LYPD6B: variants seen among roughly 807,000 people sequenced by gnomAD.
The protein encoded by LYPD6B is ly6/PLAUR domain-containing protein 6B.
LYPD6B carries 17 observed loss-of-function variants against 22.8 expected under a neutral mutation model. The observed-to-expected ratio is 0.75, with a 90% CI of 0.51 to 1.12. The LOEUF (loss-of-function observed/expected upper bound fraction) is 1.12. LYPD6B is among the 50% of genes most tolerant of loss of function. LYPD6B has a pLI of 0.00. For missense variants in LYPD6B, 221 were observed against 258.3 expected (o/e 0.86, Z 0.99); for synonymous variants, 106 against 91.6 (o/e 1.16, Z -0.90).
At chr2:149,151,223 C>G (rs1689353000) in intron 2 of LYPD6B, among the ~76,000 whole-genome samples, 1 of 152,056 alleles carries the variant, frequency 6.6e-6, no homozygotes, top group Admixed American at 6.6e-5. Context: ...ATGGTGTCCT[C>G]TGGGGCACTG....
chr2:149,127,514 G>C (rs1687771166), intron 1 of LYPD6B, among the ~76,000 whole-genome samples: 1 of 152,194 alleles, frequency 6.6e-6, no homozygotes. Flanking sequence ...AGCAGCACCT[G>C]CTCCCAGGGC....
In LYPD6B at chr2:149,192,108, G is replaced by A. The variant is rs145628377; in HGVS notation, c.78-13145G>A. The stretch of plus-strand genomic sequence containing the variant: ...AGGGCTATGCTATCATCCTGCTCCA[G>A]GCAGATCACAGGTCTGGACAGGCAG... On this transcript the variant is annotated intron_variant, in intron 3 of 6. Transcript: ENST00000409642. Among the ~76,000 whole-genome samples, 599 of 152,204 alleles carry A rather than the reference G, an allele frequency of 3.9e-3. 4 individuals carry two copies. Among genetic ancestry groups the A allele is most frequent in the Non-Finnish European group, 6.7e-3 (454 of 68,006 alleles).
chr2:149,077,765 TG>T (rs1684943448), intron 1 of LYPD6B, among the ~76,000 whole-genome samples: 1 of 152,226 alleles, frequency 6.6e-6, no homozygotes, highest in Non-Finnish European at 1.5e-5. Context: ...TTCTCTGAAG[TG>T]CTGGGCATCT....
chr2:149,040,212 TCTCTCTCTC>T (rs1251401294), intron 1 of LYPD6B, among the ~76,000 whole-genome samples: 2 of 97,428 alleles, frequency 2.1e-5, no homozygotes, highest in Non-Finnish European at 5.4e-5. Context: ...TGTCTCTCTC[TCTCTCTCTC>T]TTTTTTTTTT....
chr2:149,112,092 T>C (rs546071762), intron 1 of LYPD6B, among the ~76,000 whole-genome samples: 7 of 152,022 alleles, frequency 4.6e-5, no homozygotes, highest in Non-Finnish European at 8.8e-5. Flanking sequence ...CAAGAGAGAA[T>C]GGAGGAGAGG....
At chr2:149,067,638 T>C (rs1684400835) in intron 1 of LYPD6B, among the ~76,000 whole-genome samples, 1 of 151,896 alleles carries the variant, frequency 6.6e-6, no homozygotes, top group Admixed American at 6.6e-5. Flanking sequence ...GTCTTTGCTT[T>C]TTTCCTTTGG....
chr2:149,120,653 G>A (rs778576633), intron 1 of LYPD6B, among the ~76,000 whole-genome samples: 153 of 150,664 alleles, frequency 1.0e-3, no homozygotes, highest in Non-Finnish European at 1.9e-3. Context: ...AAAGTGCTGG[G>A]ATTACAGGCA....
At chr2:149,084,762 G>T (rs1230799580) in intron 1 of LYPD6B, among the ~76,000 whole-genome samples, 1 of 152,224 alleles carries the variant, frequency 6.6e-6, no homozygotes, top group Non-Finnish European at 1.5e-5. Flanking sequence ...GACCTGTGGT[G>T]TTATGTGAGC....
chr2:149,203,091 G>A (rs897365456), intron 3 of LYPD6B, among the ~76,000 whole-genome samples: 2 of 152,136 alleles, frequency 1.3e-5, no homozygotes, highest in African/African-American at 4.8e-5. Flanking sequence ...CTCAGCGCGT[G>A]CAAACTATGT....
At chr2:149,208,100 G>T (rs1365146224) in intron 4 of LYPD6B, among the ~76,000 whole-genome samples, 2 of 151,978 alleles carry the variant, frequency 1.3e-5, no homozygotes, top group African/African-American at 4.8e-5. Flanking sequence ...CTCTATAGTG[G>T]CAATTCTTAG....
chr2:149,051,580 G>T (rs1157496404), intron 1 of LYPD6B, among the ~76,000 whole-genome samples: 1 of 152,100 alleles, frequency 6.6e-6, no homozygotes, highest in Non-Finnish European at 1.5e-5. Context: ...ATACATTCTG[G>T]TAGCTGAATC....
At chr2:149,149,895 T>A (rs1227915478) in intron 2 of LYPD6B, among the ~76,000 whole-genome samples, 1 of 152,250 alleles carries the variant, frequency 6.6e-6, no homozygotes, top group African/African-American at 2.4e-5. Context: ...TCCTTTATTG[T>A]TGTAGCTGTT....
intron 5 of LYPD6B, among the ~76,000 whole-genome samples, chr2:149,212,143 C>T (rs1287110210): frequency 1.3e-5 from 2 of 151,200 alleles, no homozygotes; most frequent in Non-Finnish European, 1.5e-5. Context: ...TTTGGGAGGC[C>T]GAGGCGGGCG....
chr2:149,125,704 C>T (rs1356096057), intron 1 of LYPD6B, among the ~76,000 whole-genome samples: 1 of 152,082 alleles, frequency 6.6e-6, no homozygotes, highest in Non-Finnish European at 1.5e-5. Flanking sequence ...GCTATTGTTG[C>T]CTGATATTTT....
intron 3 of LYPD6B, among the ~76,000 whole-genome samples, chr2:149,201,754 A>C (rs867921514): frequency 6.6e-6 from 1 of 152,352 alleles, no homozygotes; most frequent in African/African-American, 2.4e-5. Flanking sequence ...TTTTGATAGA[A>C]TAAGTCTATG....
chr2:149,198,375 A>G (rs1481669372), intron 3 of LYPD6B, among the ~76,000 whole-genome samples: 1 of 152,126 alleles, frequency 6.6e-6, no homozygotes, highest in Non-Finnish European at 1.5e-5. Context: ...AGCTCTTACC[A>G]TGTTACCTTT....
intron 3 of LYPD6B, among the ~76,000 whole-genome samples, chr2:149,193,668 A>C (rs1429697631): frequency 2.0e-5 from 3 of 152,162 alleles, no homozygotes; most frequent in Non-Finnish European, 2.9e-5. Context: ...AGGCCACCAG[A>C]ATAATAAGCA....
At chr2:149,120,361 G>GTGTATATATATATA (rs796413041) in intron 1 of LYPD6B, among the ~76,000 whole-genome samples, 1 of 38,756 alleles carries the variant, frequency 2.6e-5, no homozygotes, top group East Asian at 9.4e-4. Context: ...GTGTGTGTGT[G>GTGTATATATATATA]TATATATATA....
intron 5 of LYPD6B, among the ~76,000 whole-genome samples, chr2:149,209,188 G>A (rs1041083096): frequency 1.3e-5 from 2 of 152,052 alleles, no homozygotes; most frequent in South Asian, 2.1e-4. Flanking sequence ...GTGAGAAGGC[G>A]GTAGGGAGTT....
Sources: allele counts gnomAD v4.1 joint callset (sites outside exome capture counted in the v4.1 genomes callset), GRCh38; gene constraint gnomAD v4.1.1; transcripts MANE v1.5; gene names NCBI Gene and HGNC (gene_info 2026-07-23, HGNC 2026-07-21).